Variants in NRXN3 observed in about 807,000 individuals in gnomAD.
NRXN3 encodes the protein neurexin 3, also known as neurexin III.
Under a neutral mutation model 137.6 loss-of-function variants are expected in NRXN3, and 32 were observed. The observed-to-expected ratio is 0.23, with a 90% CI of 0.18 to 0.31. The LOEUF (loss-of-function observed/expected upper bound fraction) is 0.31, where lower values mean the gene tolerates loss of function less well. Ranked by LOEUF, NRXN3 falls within the 10% of genes least tolerant of loss-of-function variation. The probability of loss-of-function intolerance (pLI) is 1.00; values close to 1 mark genes in which losing one functional copy is unlikely to be tolerated. For missense variants in NRXN3, 1,574 were observed against 2,062.5 expected, an observed-to-expected ratio of 0.76 and a Z score of 4.59; for synonymous variants, 798 against 784.5, an observed-to-expected ratio of 1.02 and a Z score of -0.29.
chr14:78,884,004 A>G (rs1012312015), intron 10 of NRXN3, among the ~76,000 whole-genome samples: 3 of 152,234 alleles, frequency 2.0e-5, no homozygotes. Context: ...GAATAGTTCC[A>G]TGATTAAATC....
chr14:78,871,439 C>T (rs1339967774), intron 10 of NRXN3, among the ~76,000 whole-genome samples: 1 of 152,072 alleles, frequency 6.6e-6, no homozygotes, highest in East Asian at 1.9e-4. Context: ...AAATTCACAG[C>T]TTTCCTATTC....
At chr14:78,793,770 T>C (rs771418295) in intron 8 of NRXN3, among the ~76,000 whole-genome samples, 16 of 152,142 alleles carry the variant, frequency 1.1e-4, no homozygotes, top group African/African-American at 3.1e-4. Flanking sequence ...TCATAAATTA[T>C]ATTCTTAGCA....
Position 79,786,028 on chromosome 14 carries a change from C to A in NRXN3, c.4015-19084C>A, listed in dbSNP as rs901663126. The stretch of plus-strand genomic sequence containing the variant: ...CCATGAGGCAGAATGAGGCTTGGGA[C>A]AGATAAGACTTCCAGAACCCAGCTC... On this transcript the variant is annotated intron_variant, in intron 19 of 20. Transcript: ENST00000335750. Among the ~76,000 whole-genome samples, 6 of 152,056 alleles carry A rather than the reference C, an allele frequency of 3.9e-5. No homozygotes were observed. In the South Asian group the frequency reaches 6.2e-4, roughly 16 times the overall value.
chr14:79,715,734 G>A (rs560884520), intron 19 of NRXN3, among the ~76,000 whole-genome samples: 163 of 152,300 alleles, frequency 1.1e-3, no homozygotes, highest in African/African-American at 3.8e-3. Context: ...GATAAAGGAG[G>A]ACAGGCTTCT....
chr14:78,713,006 T>C (rs1160984797), intron 7 of NRXN3, among the ~76,000 whole-genome samples: 1 of 152,242 alleles, frequency 6.6e-6, no homozygotes, highest in Non-Finnish European at 1.5e-5. Flanking sequence ...CCCATTTATC[T>C]TGATACCAAT....
chr14:79,565,737 T>C (rs971869493), intron 16 of NRXN3, among the ~76,000 whole-genome samples: 5 of 152,026 alleles, frequency 3.3e-5, no homozygotes, highest in Non-Finnish European at 5.9e-5. Flanking sequence ...GATGTGTCTA[T>C]TTACAGGGAA....
intron 16 of NRXN3, among the ~76,000 whole-genome samples, chr14:79,577,437 A>G (rs2097675801): frequency 6.6e-6 from 1 of 152,064 alleles, no homozygotes; most frequent in South Asian, 2.1e-4. Flanking sequence ...GAATATTTTT[A>G]GTTTTGCTGC....
chr14:79,198,992 C>T (rs148862385), intron 15 of NRXN3, among the ~76,000 whole-genome samples: 1 of 152,142 alleles, frequency 6.6e-6, no homozygotes, highest in African/African-American at 2.4e-5. Context: ...TGGTGAAACC[C>T]TCTCTCTACT....
intron 4 of NRXN3, among the ~76,000 whole-genome samples, chr14:78,567,296 G>A (rs778337818): frequency 1.3e-5 from 2 of 152,222 alleles, no homozygotes; most frequent in Non-Finnish European, 2.9e-5. Flanking sequence ...ACATAGAAAG[G>A]TAGATAATAA....
At chr14:79,492,874 C>T (rs2096730551) in intron 16 of NRXN3, among the ~76,000 whole-genome samples, 1 of 152,190 alleles carries the variant, frequency 6.6e-6, no homozygotes, top group Non-Finnish European at 1.5e-5. Context: ...AAGCATCTCA[C>T]CTGTTTCCTT....
chr14:78,190,644 TTTATTTATTTACTTAC>T (rs1164213570), intron 1 of NRXN3, among the ~76,000 whole-genome samples: 5 of 65,018 alleles, frequency 7.7e-5, no homozygotes, highest in East Asian at 3.1e-4. Context: ...TATTTATTTA[TTTATTTATTTACTTAC>T]TTACTTACTT....
chr14:79,061,081 C>G (rs976616489), intron 15 of NRXN3, among the ~76,000 whole-genome samples: 2 of 152,028 alleles, frequency 1.3e-5, no homozygotes, highest in African/African-American at 4.8e-5. Flanking sequence ...CTTTCAGAAG[C>G]CAGAAATTAA....
chr14:79,306,082 C>CTGCTCTTTCTTTCT (rs2086007241), intron 15 of NRXN3, among the ~76,000 whole-genome samples: 1 of 152,044 alleles, frequency 6.6e-6, no homozygotes, highest in Non-Finnish European at 1.5e-5. Flanking sequence ...ATGTGTTGAC[C>CTGCTCTTTCTTTCT]GTAAGTTCTT....
intron 15 of NRXN3, among the ~76,000 whole-genome samples, chr14:79,003,257 T>C (rs980815240): frequency 1.3e-5 from 2 of 152,198 alleles, no homozygotes; most frequent in Non-Finnish European, 2.9e-5. Flanking sequence ...ATTACTGGTC[T>C]GTGAATCTTT....
chr14:78,921,124 CT>C (rs2099269900), intron 10 of NRXN3, among the ~76,000 whole-genome samples: 1 of 152,194 alleles, frequency 6.6e-6, no homozygotes. Flanking sequence ...AAAAGCTACC[CT>C]TTTCTCCCCC....
At chr14:78,687,348 A>G (rs1040729887) in intron 6 of NRXN3, among the ~76,000 whole-genome samples, 1 of 152,174 alleles carries the variant, frequency 6.6e-6, no homozygotes, top group African/African-American at 2.4e-5. Context: ...CAGAAGATAC[A>G]TAGATGGCTG....
chr14:79,690,168 C>A (rs2154024031), intron 17 of NRXN3, among the ~76,000 whole-genome samples: 1 of 152,272 alleles, frequency 6.6e-6, no homozygotes, highest in Non-Finnish European at 1.5e-5. Context: ...TGATATCTGT[C>A]ACCTGTAGGG....
At chr14:79,771,004 C>A (rs948360273) in intron 19 of NRXN3, among the ~76,000 whole-genome samples, 26 of 152,132 alleles carry the variant, frequency 1.7e-4, no homozygotes, top group Admixed American at 2.6e-4. Flanking sequence ...CACCTCTACT[C>A]AAATAAACTA....
At chr14:79,508,896 T>G (rs1413721314) in intron 16 of NRXN3, among the ~76,000 whole-genome samples, 1 of 152,082 alleles carries the variant, frequency 6.6e-6, no homozygotes, top group East Asian at 1.9e-4. Context: ...GTTACTGTAA[T>G]CAATAATAAT....
Sources: allele counts gnomAD v4.1 joint callset (sites outside exome capture counted in the v4.1 genomes callset), GRCh38; gene constraint gnomAD v4.1.1; transcripts MANE v1.5; gene names NCBI Gene and HGNC (gene_info 2026-07-23, HGNC 2026-07-21).